The following DERA variants were observed in gnomAD, a reference collection of about 807,000 sequenced individuals.
DERA encodes the protein 2-deoxy-D-ribose 5-phosphate aldolase.
In DERA, 15 loss-of-function variants were observed where a neutral mutation model predicts 41.1. That is an observed-to-expected ratio of 0.37 (90% confidence interval 0.24 to 0.56). The LOEUF (loss-of-function observed/expected upper bound fraction) is 0.56. DERA is among the 20% of genes least tolerant of loss of function. DERA has a pLI of 0.81. For synonymous variants in DERA, 139 were observed against 137.4 expected (o/e 1.01, Z -0.08); for missense variants, 396 against 403.4 (o/e 0.98, Z 0.16).
intron 6 of DERA, among the ~76,000 whole-genome samples, chr12:16,005,149 G>T (rs1186344066): frequency 1.3e-5 from 2 of 152,154 alleles, no homozygotes; most frequent in Non-Finnish European, 2.9e-5. Context: ...GTTACCGTCA[G>T]AGTTGAAAAG....
In DERA at chr12:16,019,727, C is replaced by T. The variant is rs1405616050; in HGVS notation, c.638-12815C>T. Among the ~76,000 whole-genome samples the T allele has an allele frequency of 6.6e-6, 1 of 152,138 alleles. No homozygotes were observed. Among genetic ancestry groups the T allele is most frequent in the Non-Finnish European group, 1.5e-5 (1 of 68,028 alleles). The stretch of plus-strand genomic sequence containing the variant: ...CATTCCATCTGTTCCATGAAGCCTT[C>T]CCGTATTATTCTAGCTAAAGTTATT... On this transcript the variant is annotated intron_variant, in intron 6 of 8. Transcript: ENST00000428559. This position sits in a 1 kb window ranked among gnomAD's most constrained non-coding sequence, Gnocchi z 4.4.
Position 16,003,797 on chromosome 12 carries a change from C to G in DERA, c.637+21361C>G, listed in dbSNP as rs904752185. Among the ~76,000 whole-genome samples, 4 of 152,274 alleles carry G rather than the reference C, an allele frequency of 2.6e-5. No homozygotes were observed. The highest frequency in any genetic ancestry group is 1.3e-4 in the Admixed American group (2 of 15,304). On this transcript the variant is annotated intron_variant, in intron 6 of 8. Coordinates refer to ENST00000428559, the MANE Select transcript of DERA (RefSeq NM_015954.4). This position sits in a 1 kb window ranked among gnomAD's most constrained non-coding sequence, Gnocchi z 4.8. Reference sequence around the variant, plus strand: ...CCTCACTGCCCCTTCCCCGCAAAACCCTCTTTGTATCACCATCTTGAGATT... The same window carrying G: ...CCTCACTGCCCCTTCCCCGCAAAACGCTCTTTGTATCACCATCTTGAGATT...
chr12:15,934,187 G>A (rs1948349214), intron 1 of DERA, among the ~76,000 whole-genome samples: 1 of 152,168 alleles, frequency 6.6e-6, no homozygotes, highest in Admixed American at 6.5e-5. Context: ...TGTGTTCCCA[G>A]TGCTGGTGCC....
rs1391734603 is a variant in DERA at position 15,972,696 on chromosome 12, TG to T, written c.509-9611del. 1 of 157,836 alleles carries T rather than the reference TG, an allele frequency of 6.3e-6. No individual in the cohort carries two copies. Among genetic ancestry groups the T allele is most frequent in the Non-Finnish European group, 1.4e-5 (1 of 71,614 alleles). The allele number at this position is 157,836 out of a possible 1,614,324, so 9.8% of individuals were successfully genotyped here. On this transcript the variant is annotated intron_variant, in intron 5 of 8. Transcript: ENST00000428559. The surrounding 1 kb of genome is among the most constrained non-coding windows in gnomAD (Gnocchi z 4.4). ...TGATGTGAAGCCAAGGTGTGGGGAG[TG>T]TGGCCATGGTCCCGAGCCACCGCAG...
chr12:15,915,960 C>G lies in DERA; in HGVS notation c.31+4546C>G, dbSNP rs547463530. ...ACATGCTTAAACAACCACACTGTGT[C>G]GACTGGTGCTAACTGGGAGCACTAC... On this transcript the variant is annotated intron_variant, in intron 1 of 8. Coordinates refer to ENST00000428559, the MANE Select transcript of DERA (RefSeq NM_015954.4). This position sits in a 1 kb window ranked among gnomAD's most constrained non-coding sequence, Gnocchi z 4.8. Among the ~76,000 whole-genome samples, 10 of 152,288 alleles carry G rather than the reference C, an allele frequency of 6.6e-5. 1 individual carries two copies. The highest frequency in any genetic ancestry group is 2.2e-4 in the African/African-American group (9 of 41,554).
At position 15,928,329 on chromosome 12, in the gene DERA, G is replaced by A. The variant is rs1229779870; in HGVS notation, c.31+16915G>A. ...ATGAAGGTAGATATGAAATCTACAG[G>A]TAATCTCTAAGTGTTATTTTAATTA... is the stretch of plus-strand genomic sequence containing the variant. On this transcript the variant is annotated intron_variant, in intron 1 of 8. Coordinates refer to ENST00000428559, the MANE Select transcript of DERA (RefSeq NM_015954.4). This position sits in a 1 kb window ranked among gnomAD's most constrained non-coding sequence, Gnocchi z 4.6. Among the ~76,000 whole-genome samples the A allele has an allele frequency of 6.6e-6, 1 of 152,164 alleles. No individual in the cohort carries two copies. Among genetic ancestry groups the A allele is most frequent in the Non-Finnish European group, 1.5e-5 (1 of 68,036 alleles).
rs1289224628 is a variant in DERA, at chr12:16,013,633, T to C, written c.638-18909T>C. Among the ~76,000 whole-genome samples the C allele has an allele frequency of 6.6e-6, 1 of 152,186 alleles. No individual in the cohort carries two copies. Among genetic ancestry groups the C allele is most frequent in the Non-Finnish European group, 1.5e-5 (1 of 68,038 alleles). ...TCATAGCATTATGAACATGGATTAA[T>C]ACAGTAAATTGGTACCGAGGTAGTG... On this transcript the variant is annotated intron_variant, in intron 6 of 8. Coordinates refer to ENST00000428559, the MANE Select transcript of DERA (RefSeq NM_015954.4). This position sits in a 1 kb window ranked among gnomAD's most constrained non-coding sequence, Gnocchi z 5.8.
chr12:15,995,883 T>A lies in DERA; in HGVS notation c.637+13447T>A, dbSNP rs1265150879. ...AAGATTTTTCTCTCTTAACTCAAAGTAGTAGGACTAGGACCAACTTTTAGA... is the reference window on the plus strand; with the variant it reads ...AAGATTTTTCTCTCTTAACTCAAAGAAGTAGGACTAGGACCAACTTTTAGA... On this transcript the variant is annotated intron_variant, in intron 6 of 8. Transcript: ENST00000428559. The surrounding 1 kb of genome is among the most constrained non-coding windows in gnomAD (Gnocchi z 5.1). Among the ~76,000 whole-genome samples, 2 of 152,170 alleles carry A rather than the reference T, an allele frequency of 1.3e-5. No individual in the cohort carries two copies. The highest frequency in any genetic ancestry group is 2.9e-5 in the Non-Finnish European group (2 of 68,028).
At chr12:16,030,058 G>C (rs1180033079) in intron 6 of DERA, among the ~76,000 whole-genome samples, 1 of 150,384 alleles carries the variant, frequency 6.6e-6, no homozygotes, top group Non-Finnish European at 1.5e-5. Context: ...GAGTAGCTGG[G>C]ACTACAGGCA....
At position 15,928,044 on chromosome 12, in the gene DERA, G is replaced by C. The variant is rs1428344071; in HGVS notation, c.31+16630G>C. Among the ~76,000 whole-genome samples, 1 of 152,104 alleles carries C rather than the reference G, an allele frequency of 6.6e-6. No individual in the cohort carries two copies. Among genetic ancestry groups the C allele is most frequent in the Non-Finnish European group, 1.5e-5 (1 of 68,016 alleles). On this transcript the variant is annotated intron_variant, in intron 1 of 8. Transcript: ENST00000428559. The surrounding 1 kb of genome is among the most constrained non-coding windows in gnomAD (Gnocchi z 4.6). Reference sequence around the variant, plus strand: ...GAAAATAATAATTATCTATTTAGGGGATACAATGTAATATTTTGATACATG... The same window carrying C: ...GAAAATAATAATTATCTATTTAGGGCATACAATGTAATATTTTGATACATG...
chr12:15,920,662 G>T (rs559179694), intron 1 of DERA, among the ~76,000 whole-genome samples: 1 of 151,662 alleles, frequency 6.6e-6, no homozygotes, highest in Non-Finnish European at 1.5e-5. Flanking sequence ...GTGAAAGCGC[G>T]TCTCTACTAA....
chr12:15,923,046 G>A (rs112720059), intron 1 of DERA, among the ~76,000 whole-genome samples: 9 of 127,496 alleles, frequency 7.1e-5, no homozygotes, highest in Admixed American at 3.7e-4. Flanking sequence ...TTTTTGAGAC[G>A]GAGTCTCGCT....
chr12:16,028,489 T>G (rs11056758), intron 6 of DERA, among the ~76,000 whole-genome samples: 1 of 152,058 alleles, frequency 6.6e-6, no homozygotes, highest in Non-Finnish European at 1.5e-5. Context: ...GCCAAGCCCC[T>G]GCTCGAGGAG....
At chr12:15,951,611 T>G (rs769086600) in intron 1 of DERA, among the ~76,000 whole-genome samples, 12 of 152,214 alleles carry the variant, frequency 7.9e-5, no homozygotes, top group Non-Finnish European at 1.8e-4. Flanking sequence ...TTATATTTCC[T>G]GCTCAATAAG....
chr12:16,028,062 G>A (rs941383070), intron 6 of DERA, among the ~76,000 whole-genome samples: 2 of 152,182 alleles, frequency 1.3e-5, no homozygotes, highest in African/African-American at 4.8e-5. Context: ...CAGTCAGCTA[G>A]GAGAGCTAAA....
rs561332768 is a variant in DERA at position 15,976,168 on chromosome 12, A to G, written c.509-6140A>G. On this transcript the variant is annotated intron_variant, in intron 5 of 8. Transcript: ENST00000428559. This position sits in a 1 kb window ranked among gnomAD's most constrained non-coding sequence, Gnocchi z 4.1. Reference sequence around the variant, plus strand: ...GTTTATTCTTACTTTCCCCTTCCATATTTATACCCCTTCTTCCCGTCAGTG... The same window carrying G: ...GTTTATTCTTACTTTCCCCTTCCATGTTTATACCCCTTCTTCCCGTCAGTG... Among the ~76,000 whole-genome samples the G allele has an allele frequency of 6.6e-6, 1 of 152,172 alleles. No individual in the cohort carries two copies. The highest frequency in any genetic ancestry group is 1.5e-5 in the Non-Finnish European group (1 of 68,002).
At position 16,011,123 on chromosome 12, in the gene DERA, A is replaced by C. The variant is rs1007472225; in HGVS notation, c.638-21419A>C. Among the ~76,000 whole-genome samples, 12 of 152,198 alleles carry C rather than the reference A, an allele frequency of 7.9e-5. No individual in the cohort carries two copies. Among genetic ancestry groups the C allele is most frequent in the African/African-American group, 2.9e-4 (12 of 41,452 alleles). Reference sequence around the variant, plus strand: ...TCTCTCAAGTTAATAGATTCCACACAAGCATACCTGACTTTTAATGTTAAT... The same window carrying C: ...TCTCTCAAGTTAATAGATTCCACACCAGCATACCTGACTTTTAATGTTAAT... On this transcript the variant is annotated intron_variant, in intron 6 of 8. Transcript: ENST00000428559. This position sits in a 1 kb window ranked among gnomAD's most constrained non-coding sequence, Gnocchi z 4.7.
rs1948952127 is a variant in DERA, at chr12:16,012,337, G to A, written c.638-20205G>A. Among the ~76,000 whole-genome samples, 1 of 152,196 alleles carries A rather than the reference G, an allele frequency of 6.6e-6. No homozygotes were observed. Among genetic ancestry groups the A allele is most frequent in the South Asian group, 2.1e-4 (1 of 4,830 alleles). Reference sequence around the variant, plus strand: ...CCAGCCAGCTGGGCAGTTTCCCAGTGTGCTAATCTCTAAGAGACATTGAAA... The same window carrying A: ...CCAGCCAGCTGGGCAGTTTCCCAGTATGCTAATCTCTAAGAGACATTGAAA... On this transcript the variant is annotated intron_variant, in intron 6 of 8. Transcript: ENST00000428559. The surrounding 1 kb of genome is among the most constrained non-coding windows in gnomAD (Gnocchi z 4.1).
chr12:15,925,645 A>G (rs1302840965), intron 1 of DERA, among the ~76,000 whole-genome samples: 1 of 152,282 alleles, frequency 6.6e-6, no homozygotes, highest in East Asian at 1.9e-4. Context: ...ACAGATTTTC[A>G]AGGAAATCAG....
Sources: gnomAD v4.1 joint callset for allele counts (sites outside exome capture counted in the v4.1 genomes callset) on GRCh38, gnomAD v4.1.1 for gene constraint, Gnocchi (gnomAD v3.1) non-coding constraint, MANE v1.5 for transcripts, NCBI Gene and HGNC (gene_info 2026-07-23, HGNC 2026-07-21) for gene names.